Variants in POLR3E observed in about 807,000 individuals in gnomAD.
The protein encoded by POLR3E is DNA-directed RNA polymerase III subunit RPC5.
POLR3E carries 41 observed loss-of-function variants against 96.6 expected under a neutral mutation model. The observed-to-expected ratio is 0.42, with a 90% CI of 0.33 to 0.55. The LOEUF (loss-of-function observed/expected upper bound fraction) is 0.55. POLR3E is among the 20% of genes least tolerant of loss of function. The probability of loss-of-function intolerance (pLI) is 0.06; values close to 1 mark genes in which losing one functional copy is unlikely to be tolerated. For synonymous variants in POLR3E, 396 were observed against 383.6 expected (o/e 1.03, Z -0.38); for missense variants, 849 against 952.1 (o/e 0.89, Z 1.43).
rs1295398995 is a variant in POLR3E, at chr16:22,329,826, ACTATGTTGGCCAGGC to A, written c.1944+1240_1944+1254del. ...ACTTTTTTAATAGAAACAGGGTCTC[ACTATGTTGGCCAGGC>A]TAGTCTTGAACTCCTGGCCTCAAGC... On this transcript the variant is annotated intron_variant, in intron 19 of 20. Coordinates refer to ENST00000299853, the MANE Select transcript of POLR3E (RefSeq NM_018119.4). 1.2e-4 allele frequency among the ~76,000 whole-genome samples: 19 copies of A among 152,198 alleles called. No individual in the cohort carries two copies. In the East Asian group the frequency reaches 2.3e-3, roughly 19 times the overall value.
chr16:22,298,923 A>G, intron 1 of POLR3E: 1 of 454,408 alleles, frequency 2.2e-6, no homozygotes, highest in Non-Finnish European at 4.4e-6. Context: ...AGCTTTGATG[A>G]AGTAAAGTAT....
chr16:22,315,284 A>C lies in POLR3E; in HGVS notation c.642+76A>C. 2.1e-6 allele frequency: 3 copies of C among 1,451,258 alleles called. No individual in the cohort carries two copies. The South Asian group carries it at 3.9e-5, about 19-fold the overall frequency. 89.9% of individuals were successfully genotyped at this position (1,451,258 alleles called of 1,614,324 possible). On this transcript the variant is annotated intron_variant, in intron 9 of 20. Coordinates refer to ENST00000299853, the MANE Select transcript of POLR3E (RefSeq NM_018119.4). ...GGTCATGGTGTGGCCTCCGTGTCTC[A>C]CCTTGAACTTAAGTCAAATTCATGA...
At position 22,315,208 on chromosome 16, in the gene POLR3E, G is replaced by T; in HGVS notation, c.642G>T (p.Arg214Ser). Reference sequence around the variant, plus strand: ...TCCACCTGCATTACTATGGCCTGAGGGTGAGCGGGGCTTCGTGGGGTCCTG... The same window carrying T: ...TCCACCTGCATTACTATGGCCTGAGTGTGAGCGGGGCTTCGTGGGGTCCTG... ...PWVHLHYYGL[R>S]DSRSEHERQY... The change falls in exon 9 of 21, where the codon AGG becomes AGT. Residue 214 changes from arginine (R) to serine (S), a missense_variant and splice_region_variant. Physicochemically the swap from Arg to Ser is moderately radical, Grantham distance 110. Coordinates refer to ENST00000299853, the MANE Select transcript of POLR3E (RefSeq NM_018119.4). The T allele has an allele frequency of 6.3e-7, 1 of 1,585,906 alleles. No individual in the cohort carries two copies. The highest frequency in any genetic ancestry group is 2.3e-5 in the East Asian group (1 of 43,348).
In POLR3E at chr16:22,308,545, T is replaced by G; in HGVS notation, c.165+320T>G. On this transcript the variant is annotated intron_variant, in intron 4 of 20. Coordinates refer to ENST00000299853, the MANE Select transcript of POLR3E (RefSeq NM_018119.4). ...ATCTAGCGCCTATCCATGGAGGGTC[T>G]GCAGCTCTAGCCCCTCCAGCCACAT... is the stretch of plus-strand genomic sequence containing the variant. 6.4e-6 allele frequency: 3 copies of G among 466,852 alleles called. 1 individual carries two copies. In the South Asian group the frequency reaches 7.5e-5, roughly 12 times the overall value. 28.9% of individuals were successfully genotyped at this position (466,852 alleles called of 1,614,324 possible).
chr16:22,323,016 G>T, intron 14 of POLR3E, 85 bp downstream of exon 14: 1 of 878,944 alleles, frequency 1.1e-6, no homozygotes, highest in South Asian at 1.4e-5. Flanking sequence ...ACCGGGGCCC[G>T]GCAGAGGCTC....
Position 22,313,785 on chromosome 16 carries a change from T to C in POLR3E, c.472+58T>C. The C allele has an allele frequency of 8.2e-7, 1 of 1,217,018 alleles. No individual in the cohort carries two copies. Among genetic ancestry groups the C allele is most frequent in the Non-Finnish European group, 1.2e-6 (1 of 828,992 alleles). The allele number at this position is 1,217,018 out of a possible 1,614,324, so 75.4% of individuals were successfully genotyped here. A position where few individuals can be genotyped will look rare whatever the true frequency, so the allele number is the denominator to read the frequency against. On this transcript the variant is annotated intron_variant, in intron 7 of 20. Transcript: ENST00000299853. The surrounding 1 kb of genome is among the most constrained non-coding windows in gnomAD (Gnocchi z 4.1). ...CTGCCTTCATCCTGGTGGGATGGCTTGGTCCTGGGAAGAGGGATGGGATGA... is the reference window on the plus strand; with the variant it reads ...CTGCCTTCATCCTGGTGGGATGGCTCGGTCCTGGGAAGAGGGATGGGATGA...
Position 22,322,746 on chromosome 16 carries a change from A to C in POLR3E, c.987-104A>C. On this transcript the variant is annotated intron_variant, in intron 13 of 20. Coordinates refer to ENST00000299853, the MANE Select transcript of POLR3E (RefSeq NM_018119.4). This position sits in a 1 kb window ranked among gnomAD's most constrained non-coding sequence, Gnocchi z 5.2. The stretch of plus-strand genomic sequence containing the variant: ...GGTCTTGGGGCTCAGGCCTGTACCC[A>C]GCCCACGGTGGAAAGAAGCATGGAC... 1.3e-6 allele frequency: 1 copy of C among 771,340 alleles called. No homozygotes were observed. The allele number at this position is 771,340 out of a possible 1,614,324, so 47.8% of individuals were successfully genotyped here.
intron 19 of POLR3E, 61 bp from the exon 20 acceptor site, chr16:22,331,999 T>TAA: frequency 6.4e-7 from 1 of 1,563,518 alleles, no homozygotes; most frequent in Middle Eastern, 1.7e-4. Context: ...GGTGTCTTGT[T>TAA]TGGGGATGTT....
chr16:22,304,402 AG>A (rs1273866941), intron 2 of POLR3E, among the ~76,000 whole-genome samples: 1 of 152,140 alleles, frequency 6.6e-6, no homozygotes, highest in African/African-American at 2.4e-5. Context: ...GAGTTACAAC[AG>A]GGGGGTTGGT....
At chr16:22,305,274 A>G in intron 3 of POLR3E, 68 bp downstream of exon 3, 1 of 1,150,862 alleles carries the variant, frequency 8.7e-7, no homozygotes, top group Non-Finnish European at 1.3e-6. Context: ...ACTCAGGAAC[A>G]CGGGCAGGAA....
chr16:22,321,071 C>T (rs891264112), intron 13 of POLR3E, among the ~76,000 whole-genome samples: 4 of 152,226 alleles, frequency 2.6e-5, no homozygotes, highest in East Asian at 3.9e-4. Flanking sequence ...GGTTTCTCTT[C>T]GGCGAATCCT....
intron 19 of POLR3E, among the ~76,000 whole-genome samples, chr16:22,330,988 C>CT (rs56100056): frequency 0.16 from 8,262 of 50,574 alleles, 3,680 homozygotes; most frequent in Non-Finnish European, 0.25. Flanking sequence ...ATGAAGCATC[C>CT]TTTTTTTTTT....
chr16:22,321,589 A>G (rs889266770), intron 13 of POLR3E, among the ~76,000 whole-genome samples: 1 of 152,240 alleles, frequency 6.6e-6, no homozygotes, highest in Non-Finnish European at 1.5e-5. Context: ...TCCTCCCGTC[A>G]CACACCTGAG....
At chr16:22,306,768 T>C (rs2048141033) in intron 3 of POLR3E, among the ~76,000 whole-genome samples, 1 of 152,270 alleles carries the variant, frequency 6.6e-6, no homozygotes, top group Non-Finnish European at 1.5e-5. Flanking sequence ...GGTCTGCGTT[T>C]AGCTTTTTGA....
Position 22,317,179 on chromosome 16 carries a change from G to A in POLR3E, c.838G>A (p.Asp280Asn), listed in dbSNP as rs371071744. 2.8e-5 allele frequency: 45 copies of A among 1,613,234 alleles called. No individual in the cohort carries two copies. Among genetic ancestry groups the A allele is most frequent in the East Asian group, 8.9e-5 (4 of 44,888 alleles). Residue 280 changes from aspartate to asparagine, a missense_variant, in exon 12 of 21, where the codon GAT becomes AAT. Coordinates refer to ENST00000299853, the MANE Select transcript of POLR3E (RefSeq NM_018119.4). ...CCAGCTGCGCACGCTGCCCCTGGCC[G>A]ATCAGATCAAGATCCTGATGAAGAA... ...MAQLRTLPLA[D>N]QIKILMKNVK... is the part of the protein sequence containing the mutation.
intron 19 of POLR3E, 97 bp from the exon 20 acceptor site, chr16:22,331,963 C>A: frequency 1.6e-6 from 2 of 1,273,026 alleles, no homozygotes; most frequent in East Asian, 2.3e-5. Context: ...TCAGAGACTG[C>A]AACACAAAGT....
At chr16:22,324,751 T>A in intron 16 of POLR3E, 91 bp downstream of exon 16, 1 of 1,362,074 alleles carries the variant, frequency 7.3e-7, no homozygotes, top group African/African-American at 1.4e-5. Context: ...GAGCAATCTC[T>A]AGAAACCCCA....
chr16:22,328,304 G>C (rs2048653495), intron 18 of POLR3E: 1 of 574,056 alleles, frequency 1.7e-6, no homozygotes, highest in African/African-American at 1.9e-5. Context: ...GTCAGGCCCT[G>C]GGGGGTGTGC....
intron 19 of POLR3E, among the ~76,000 whole-genome samples, chr16:22,329,331 T>C (rs1455751913): frequency 2.0e-5 from 3 of 152,114 alleles, no homozygotes; most frequent in Non-Finnish European, 4.4e-5. Context: ...CATACTGTGA[T>C]GGGGAGGGTC....
Sources: allele counts gnomAD v4.1 joint callset (sites outside exome capture counted in the v4.1 genomes callset), GRCh38; gene constraint gnomAD v4.1.1; non-coding constraint Gnocchi (gnomAD v3.1); transcripts MANE v1.5; gene names NCBI Gene and HGNC (gene_info 2026-07-23, HGNC 2026-07-21).